The following LONP2 variants were observed in gnomAD, a reference collection of about 807,000 sequenced individuals.
LONP2 encodes lon protease homolog 2, peroxisomal.
A neutral mutation model predicts 85.6 loss-of-function variants in LONP2; 60 were observed. The observed-to-expected ratio is 0.70, with a 90% CI of 0.57 to 0.87. The LOEUF is 0.87. Among genes scored for constraint, LONP2 ranks in the 40% least tolerant of loss-of-function variants. The pLI is 0.00. For synonymous variants in LONP2, 395 were observed against 389.7 expected (o/e 1.01, Z -0.16); for missense variants, 860 against 1,063.5 (o/e 0.81, Z 2.66).
At chr16:48,351,404 A>G (rs1351255344) in intron 14 of LONP2, among the ~76,000 whole-genome samples, 177 bp from the exon 15 acceptor site, 1 of 152,212 alleles carries the variant, frequency 6.6e-6, no homozygotes, top group Non-Finnish European at 1.5e-5. Context: ...AAACATTAAA[A>G]AAAGGTTACT....
intron 11 of LONP2, 87 bp downstream of exon 11, chr16:48,303,392 G>T: frequency 6.6e-7 from 1 of 1,523,604 alleles, no homozygotes; most frequent in Non-Finnish European, 9.0e-7. Context: ...AAGGTGTTGG[G>T]TAGTCCTTGG....
chr16:48,297,414 A>G (rs1046061292), intron 9 of LONP2, among the ~76,000 whole-genome samples: 2 of 151,880 alleles, frequency 1.3e-5, no homozygotes, highest in Non-Finnish European at 2.9e-5. Context: ...GGTTCAAGCG[A>G]TTCTTGTGCC....
At chr16:48,300,501 A>G (rs1251519685) in intron 10 of LONP2, among the ~76,000 whole-genome samples, 2 of 152,222 alleles carry the variant, frequency 1.3e-5, no homozygotes, top group South Asian at 4.1e-4. Flanking sequence ...TTACAGATCC[A>G]TTGCATCATC....
At chr16:48,258,430 T>A (rs1971808211) in intron 3 of LONP2, among the ~76,000 whole-genome samples, 188 bp from the exon 4 acceptor site, 1 of 152,200 alleles carries the variant, frequency 6.6e-6, no homozygotes, top group African/African-American at 2.4e-5. Flanking sequence ...TTTTTAAGGA[T>A]TCTGATATTC....
chr16:48,295,902 ATTC>A (rs1454964555), intron 8 of LONP2, 110 bp from the exon 9 acceptor site: 2 of 922,948 alleles, frequency 2.2e-6, no homozygotes, highest in Non-Finnish European at 3.4e-6. Flanking sequence ...TGTTTCTTAA[ATTC>A]TTCTGAGCAG....
intron 11 of LONP2, among the ~76,000 whole-genome samples, chr16:48,328,543 T>G (rs896185485): frequency 1.3e-5 from 2 of 151,848 alleles, no homozygotes; most frequent in African/African-American, 4.8e-5. Flanking sequence ...CCAGGCATGG[T>G]GACGTGTGCC....
At position 48,299,681 on chromosome 16, in the gene LONP2, G is replaced by A; in HGVS notation, c.1554G>A (p.Lys518=). Residue 518 remains lysine (K), a synonymous_variant, in exon 10 of 15, where the codon AAG becomes AAA. Coordinates refer to ENST00000285737, the MANE Select transcript of LONP2 (RefSeq NM_031490.5). ...IQVPGYTQEE[K]IEIAHRHLIP... is the part of the protein sequence containing the mutation. ...TTCCAGGTTATACACAGGAGGAGAA[G>A]ATAGAGATTGCCCATAGGCACTTGA... 2.5e-6 allele frequency: 4 copies of A among 1,613,630 alleles called. No individual in the cohort carries two copies. Among genetic ancestry groups the A allele is most frequent in the Non-Finnish European group, 3.4e-6 (4 of 1,179,794 alleles).
intron 6 of LONP2, among the ~76,000 whole-genome samples, chr16:48,269,143 T>C (rs913153852): frequency 1.4e-4 from 21 of 151,978 alleles, no homozygotes; most frequent in African/African-American, 5.1e-4. Context: ...CATACACTTC[T>C]GGTGAGACTT....
rs149888804 is a variant in LONP2 at position 48,296,594 on chromosome 16, G to A, written c.1534+429G>A. ...ATACAAAAATTAGCCTGGCATGGTG[G>A]CGGGCGCCTGTAGTCCCACCTACTC... On this transcript the variant is annotated intron_variant, in intron 9 of 14. Transcript: ENST00000285737. Among the ~76,000 whole-genome samples the A allele has an allele frequency of 9.0e-4, 137 of 152,124 alleles. 1 individual carries two copies. The East Asian group carries it at 0.017, about 19-fold the overall frequency.
intron 12 of LONP2, among the ~76,000 whole-genome samples, chr16:48,346,364 T>C: frequency 6.6e-6 from 1 of 152,164 alleles, no homozygotes; most frequent in Non-Finnish European, 1.5e-5. Context: ...TTACTGATTT[T>C]CCACTGTTAC....
intron 7 of LONP2, among the ~76,000 whole-genome samples, chr16:48,276,514 C>T (rs1972212152): frequency 6.6e-6 from 1 of 152,174 alleles, no homozygotes; most frequent in African/African-American, 2.4e-5. Flanking sequence ...TTAAGTTTTG[C>T]TGGCTTTGTA....
intron 7 of LONP2, among the ~76,000 whole-genome samples, chr16:48,273,704 CTTT>C (rs1410552194): frequency 6.6e-6 from 1 of 152,010 alleles, no homozygotes; most frequent in Non-Finnish European, 1.5e-5. Context: ...TAACTAACTT[CTTT>C]TAAGATGAAG....
chr16:48,334,260 A>T lies in LONP2; in HGVS notation c.1840A>T (p.Ser614Cys), dbSNP rs373718661. 1 of 1,614,068 alleles carries T rather than the reference A, an allele frequency of 6.2e-7. No individual in the cohort carries two copies. Among genetic ancestry groups the T allele is most frequent in the Non-Finnish European group, 8.5e-7 (1 of 1,179,924 alleles). ...ILEDEKPESI[S>C]DTTDLALPPE... The stretch of plus-strand genomic sequence containing the variant: ...AGAAGATGAAAAACCTGAATCTATC[A>T]GTGACACTACTGACTTGGCTCTACC... The change falls in exon 12 of 15, where the codon AGT becomes TGT. Residue 614 changes from serine to cysteine, a missense_variant. Ser to Cys is a moderately radical substitution (Grantham distance 112). Around this residue, in one of 3 missense-constraint regions of LONP2, gnomAD observed 743 missense variants for 917.3 expected, o/e 0.81. Coordinates refer to ENST00000285737, the MANE Select transcript of LONP2 (RefSeq NM_031490.5).
At chr16:48,244,896 C>T (rs189263230) in intron 1 of LONP2, among the ~76,000 whole-genome samples, 19 of 152,328 alleles carry the variant, frequency 1.2e-4, no homozygotes, top group Admixed American at 5.9e-4. Flanking sequence ...TCTTCCCCCT[C>T]TCCGCAATTC....
Position 48,355,553 on chromosome 16 carries a change from A to C in LONP2, c.*3751A>C, listed in dbSNP as rs1960311001. The stretch of plus-strand genomic sequence containing the variant: ...GGTTAACACAAATGACTAAGACAAC[A>C]GGATAATTCTGTTTAACTTTTTGAG... On this transcript the variant is annotated 3_prime_UTR_variant, in exon 15 of 15. Coordinates refer to ENST00000285737, the MANE Select transcript of LONP2 (RefSeq NM_031490.5). 6.6e-6 allele frequency: 1 copy of C among 152,226 alleles called. No homozygotes were observed. Among genetic ancestry groups the C allele is most frequent in the Non-Finnish European group, 1.5e-5 (1 of 68,036 alleles). 9.4% of individuals were successfully genotyped at this position (152,226 alleles called of 1,614,324 possible). A position where few individuals can be genotyped will look rare whatever the true frequency, so the allele number is the denominator to read the frequency against.
chr16:48,258,208 A>G (rs1333074817), intron 3 of LONP2, among the ~76,000 whole-genome samples: 14 of 152,014 alleles, frequency 9.2e-5, no homozygotes, highest in Admixed American at 8.5e-4. Flanking sequence ...TTAGCCGGGC[A>G]TGGTGTCGGG....
At chr16:48,337,584 A>G (rs921806453) in intron 12 of LONP2, among the ~76,000 whole-genome samples, 4 of 152,024 alleles carry the variant, frequency 2.6e-5, no homozygotes, top group Non-Finnish European at 5.9e-5. Flanking sequence ...AGTGCTGTTT[A>G]TTACTCTAGA....
At chr16:48,335,563 C>T (rs755996464) in intron 12 of LONP2, among the ~76,000 whole-genome samples, 1 of 152,202 alleles carries the variant, frequency 6.6e-6, no homozygotes, top group Non-Finnish European at 1.5e-5. Context: ...CTGAATTTAG[C>T]TTTATCATCA....
chr16:48,303,461 T>C (rs1972849762), intron 11 of LONP2, among the ~76,000 whole-genome samples, 156 bp downstream of exon 11: 1 of 152,206 alleles, frequency 6.6e-6, no homozygotes, highest in African/African-American at 2.4e-5. Context: ...CCTTAATGTT[T>C]CAACATATTT....
Sources: gnomAD v4.1 joint callset for allele counts (sites outside exome capture counted in the v4.1 genomes callset) on GRCh38, gnomAD v4.1.1 for gene constraint, gnomAD v4.1.1 regional missense constraint, MANE v1.5 for transcripts, NCBI Gene and HGNC (gene_info 2026-07-23, HGNC 2026-07-21) for gene names.